GLCCI1: variants seen among roughly 807,000 people sequenced by gnomAD.
GLCCI1 encodes the protein glucocorticoid induced 1.
In GLCCI1, 24 loss-of-function variants were observed where a neutral mutation model predicts 52.2. The ratio of observed to expected loss-of-function variants is 0.46; its 90% CI spans 0.33 to 0.65. The LOEUF (loss-of-function observed/expected upper bound fraction) is 0.65. Ranked by LOEUF, GLCCI1 falls within the 30% of genes least tolerant of loss-of-function variation. GLCCI1 has a pLI of 0.02. For missense variants in GLCCI1, 704 were observed against 701.5 expected, an observed-to-expected ratio of 1.00 and a Z score of -0.04; for synonymous variants, 310 against 276.5, an observed-to-expected ratio of 1.12 and a Z score of -1.20.
rs137887439 is a variant in GLCCI1, at chr7:8,014,557, T to C, written c.610-7926T>C. ...ATTTTTTTTCATGAGCCTTAGAGTATTTTTACACTTGCTTCATAAACAGGT... is the reference window on the plus strand; with the variant it reads ...ATTTTTTTTCATGAGCCTTAGAGTACTTTTACACTTGCTTCATAAACAGGT... On this transcript the variant is annotated intron_variant, in intron 2 of 7. Coordinates refer to ENST00000223145, the MANE Select transcript of GLCCI1 (RefSeq NM_138426.4). Among the ~76,000 whole-genome samples, 494 of 152,336 alleles carry C rather than the reference T, an allele frequency of 3.2e-3. 4 individuals carry two copies. Among genetic ancestry groups the C allele is most frequent in the African/African-American group, 0.011 (471 of 41,580 alleles).
At chr7:8,029,292 G>A (rs931423858) in intron 3 of GLCCI1, among the ~76,000 whole-genome samples, 4 of 152,130 alleles carry the variant, frequency 2.6e-5, no homozygotes, top group Non-Finnish European at 5.9e-5. Flanking sequence ...TGCAAAGATG[G>A]TTCAACAAAC....
Position 8,027,891 on chromosome 7 carries a change from A to G in GLCCI1, c.696+5322A>G, listed in dbSNP as rs531453188. 1.1e-4 allele frequency among the ~76,000 whole-genome samples: 16 copies of G among 152,354 alleles called. No homozygotes were observed. In the East Asian group the frequency reaches 2.7e-3, roughly 26 times the overall value. ...AAGACAGGGTCATTGTATAATGATA[A>G]AAGGGTCAATTCAACAAGAGGATGT... is the stretch of plus-strand genomic sequence containing the variant. On this transcript the variant is annotated intron_variant, in intron 3 of 7. Coordinates refer to ENST00000223145, the MANE Select transcript of GLCCI1 (RefSeq NM_138426.4).
intron 3 of GLCCI1, among the ~76,000 whole-genome samples, chr7:8,050,821 C>G (rs755624886): frequency 2.0e-5 from 3 of 152,262 alleles, no homozygotes; most frequent in Admixed American, 6.5e-5. Context: ...AACAATGTGA[C>G]TTTTAGCAAT....
chr7:7,972,632 G>A (rs1224009445), intron 1 of GLCCI1, among the ~76,000 whole-genome samples: 4 of 152,026 alleles, frequency 2.6e-5, no homozygotes, highest in African/African-American at 4.8e-5. Flanking sequence ...CATTATCTGC[G>A]TCTTAAGCAT....
intron 5 of GLCCI1, among the ~76,000 whole-genome samples, chr7:8,063,481 G>A (rs375366172): frequency 6.6e-6 from 1 of 151,960 alleles, no homozygotes; most frequent in African/African-American, 2.4e-5. Context: ...TCTAACTGAT[G>A]TGAGATGGTA....
chr7:7,976,046 T>C (rs1780462649), intron 1 of GLCCI1, among the ~76,000 whole-genome samples: 1 of 152,190 alleles, frequency 6.6e-6, no homozygotes, highest in Non-Finnish European at 1.5e-5. Context: ...CAACTGGCAC[T>C]AGGTTGATTC....
chr7:8,003,884 A>G (rs749684405), intron 1 of GLCCI1, 24 bp from the exon 2 acceptor site: 3 of 1,597,408 alleles, frequency 1.9e-6, no homozygotes, highest in East Asian at 4.5e-5. Context: ...ACTAATGACT[A>G]ATCTTTTTTT....
intron 3 of GLCCI1, among the ~76,000 whole-genome samples, chr7:8,031,318 C>G (rs1375339042): frequency 6.6e-6 from 1 of 152,054 alleles, no homozygotes; most frequent in Admixed American, 6.6e-5. Flanking sequence ...TGCATGTTCT[C>G]AGTCATTTGT....
chr7:8,013,862 C>T (rs1188762333), intron 2 of GLCCI1, among the ~76,000 whole-genome samples: 12 of 152,076 alleles, frequency 7.9e-5, no homozygotes, highest in Admixed American at 7.2e-4. Flanking sequence ...TTCGGCTGTA[C>T]GATCATCCAA....
intron 1 of GLCCI1, among the ~76,000 whole-genome samples, chr7:7,978,957 G>C (rs1562414138): frequency 6.6e-6 from 1 of 152,098 alleles, no homozygotes; most frequent in Non-Finnish European, 1.5e-5. Flanking sequence ...ATCTTTCGAA[G>C]TTTTGTAAGT....
intron 1 of GLCCI1, chr7:7,970,378 C>T (rs1210739432): frequency 6.6e-6 from 1 of 151,290 alleles, no homozygotes; most frequent in Non-Finnish European, 1.5e-5. Context: ...TCCCTCTCTC[C>T]CTCTCCCCCA....
At chr7:8,073,683 A>G (rs1252036196) in intron 6 of GLCCI1, among the ~76,000 whole-genome samples, 2 of 152,210 alleles carry the variant, frequency 1.3e-5, no homozygotes, top group African/African-American at 4.8e-5. Flanking sequence ...CACATGGCAA[A>G]CAATTAGTGG....
chr7:8,069,199 C>A (rs2127963955), intron 5 of GLCCI1, among the ~76,000 whole-genome samples: 1 of 152,160 alleles, frequency 6.6e-6, no homozygotes, highest in African/African-American at 2.4e-5. Context: ...GAGGGCCTTT[C>A]CCTTGTCTCT....
chr7:7,974,063 ATTAATG>A (rs745807627), intron 1 of GLCCI1, among the ~76,000 whole-genome samples: 1 of 152,082 alleles, frequency 6.6e-6, no homozygotes, highest in Non-Finnish European at 1.5e-5. Context: ...TTTCTTCTAC[ATTAATG>A]TTTTAGCTTT....
At chr7:8,084,161 T>C (rs999110333) in intron 6 of GLCCI1, among the ~76,000 whole-genome samples, 1 of 152,126 alleles carries the variant, frequency 6.6e-6, no homozygotes, top group Admixed American at 6.5e-5. Context: ...TCTTGCCAGG[T>C]AGGAAAGGGA....
Position 8,018,594 on chromosome 7 carries a change from G to A in GLCCI1, c.610-3889G>A, listed in dbSNP as rs181877180. Among the ~76,000 whole-genome samples the A allele has an allele frequency of 1.1e-3, 167 of 152,244 alleles. 2 individuals carry two copies. Among genetic ancestry groups the A allele is most frequent in the African/African-American group, 3.7e-3 (152 of 41,550 alleles). On this transcript the variant is annotated intron_variant, in intron 2 of 7. Transcript: ENST00000223145. ...TGGAGCTGGGAGGATGGCCCTAGAGGTTGGAAAGAAATTTCATAGTCTGGA... is the reference window on the plus strand; with the variant it reads ...TGGAGCTGGGAGGATGGCCCTAGAGATTGGAAAGAAATTTCATAGTCTGGA...
chr7:8,028,944 T>C (rs543154230), intron 3 of GLCCI1, among the ~76,000 whole-genome samples: 5 of 152,042 alleles, frequency 3.3e-5, no homozygotes, highest in African/African-American at 7.2e-5. Flanking sequence ...CAAGTAGAGA[T>C]TGAACCCATA....
In GLCCI1 at chr7:7,969,258, G is replaced by A. The variant is rs1462895248; in HGVS notation, c.-93G>A. 1 of 980,010 alleles carries A rather than the reference G, an allele frequency of 1.0e-6. No homozygotes were observed. Among genetic ancestry groups the A allele is most frequent in the South Asian group, 2.4e-5 (1 of 40,828 alleles). 60.7% of individuals were successfully genotyped at this position (980,010 alleles called of 1,614,324 possible). On this transcript the variant is annotated 5_prime_UTR_variant, in exon 1 of 8. Coordinates refer to ENST00000223145, the MANE Select transcript of GLCCI1 (RefSeq NM_138426.4). This position sits in a 1 kb window ranked among gnomAD's most constrained non-coding sequence, Gnocchi z 4.9. Reference sequence around the variant, plus strand: ...CCCCGCCCCTCCCCCTTACACACTCGCACGCACTATCGCGCCGGCTCCCAC... The same window carrying A: ...CCCCGCCCCTCCCCCTTACACACTCACACGCACTATCGCGCCGGCTCCCAC...
At chr7:8,036,630 A>C (rs1489784356) in intron 3 of GLCCI1, among the ~76,000 whole-genome samples, 4 of 152,226 alleles carry the variant, frequency 2.6e-5, no homozygotes, top group African/African-American at 9.6e-5. Context: ...CCCAAGAGAA[A>C]GTTCAAAAAC....
Sources: gnomAD v4.1 joint callset for allele counts (sites outside exome capture counted in the v4.1 genomes callset) on GRCh38, gnomAD v4.1.1 for gene constraint, Gnocchi (gnomAD v3.1) non-coding constraint, MANE v1.5 for transcripts, NCBI Gene and HGNC (gene_info 2026-07-23, HGNC 2026-07-21) for gene names.